Variants in UGCG observed in about 807,000 individuals in gnomAD.
The protein encoded by UGCG is UDP-glucose ceramide glucosyltransferase.
Under a neutral mutation model 49.5 loss-of-function variants are expected in UGCG, and 10 were observed. The ratio of observed to expected loss-of-function variants is 0.20; its 90% confidence interval spans 0.12 to 0.34. The LOEUF is 0.34. Among genes scored for constraint, UGCG ranks in the 10% least tolerant of loss-of-function variants. The pLI, the probability that UGCG is intolerant of heterozygous loss-of-function variation, is 1.00. For missense variants in UGCG, 312 were observed against 483.7 expected (o/e 0.65, Z 3.33); for synonymous variants, 182 against 158.2 (o/e 1.15, Z -1.13).
At chr9:111,900,211 A>G (rs1837740742) in intron 1 of UGCG, among the ~76,000 whole-genome samples, 1 of 151,178 alleles carries the variant, frequency 6.6e-6, no homozygotes, top group African/African-American at 2.4e-5. Context: ...ACCTGATGGT[A>G]GTGTTTCTCT....
At chr9:111,907,343 C>T (rs1459380056) in intron 1 of UGCG, among the ~76,000 whole-genome samples, 1 of 152,118 alleles carries the variant, frequency 6.6e-6, no homozygotes, top group Non-Finnish European at 1.5e-5. Flanking sequence ...AATGCTGTAA[C>T]GATTAGACAC....
intron 1 of UGCG, among the ~76,000 whole-genome samples, chr9:111,910,083 T>C (rs1837968001): frequency 6.6e-6 from 1 of 152,226 alleles, no homozygotes; most frequent in Non-Finnish European, 1.5e-5. Flanking sequence ...TACTGCATTC[T>C]CAACATGAAA....
At chr9:111,920,702 G>C (rs1035917146) in intron 2 of UGCG, among the ~76,000 whole-genome samples, 1 of 151,988 alleles carries the variant, frequency 6.6e-6, no homozygotes, top group African/African-American at 2.4e-5. Flanking sequence ...TGAGATTATA[G>C]GTAGTGGGCA....
chr9:111,923,081 G>GT, intron 3 of UGCG, 130 bp downstream of exon 3: 1 of 470,344 alleles, frequency 2.1e-6, no homozygotes, highest in Non-Finnish European at 3.5e-6. Context: ...ACTGAGAGGT[G>GT]TTTACGTCCT....
chr9:111,908,928 G>A (rs1039518432), intron 1 of UGCG, among the ~76,000 whole-genome samples: 2 of 152,156 alleles, frequency 1.3e-5, no homozygotes, highest in African/African-American at 4.8e-5. Flanking sequence ...ATTGATCACA[G>A]TGCCCTCCCT....
intron 2 of UGCG, among the ~76,000 whole-genome samples, chr9:111,919,410 G>A (rs1158254609): frequency 6.6e-6 from 1 of 151,796 alleles, no homozygotes; most frequent in Admixed American, 6.6e-5. Flanking sequence ...TTGAGCCTGG[G>A]AAGTTGAGGC....
At chr9:111,900,329 G>A (rs1418026406) in intron 1 of UGCG, among the ~76,000 whole-genome samples, 1 of 152,022 alleles carries the variant, frequency 6.6e-6, no homozygotes. Context: ...TTATTTCCCT[G>A]TGTACATAAG....
At chr9:111,913,177 G>T (rs1374047458) in intron 1 of UGCG, among the ~76,000 whole-genome samples, 2 of 152,220 alleles carry the variant, frequency 1.3e-5, no homozygotes, top group African/African-American at 2.4e-5. Flanking sequence ...CAATTGTAAG[G>T]TACCATTGAT....
chr9:111,933,164 A>AC lies in UGCG; in HGVS notation c.*167_*168insC. 3.4e-6 allele frequency: 2 copies of AC among 590,824 alleles called. No homozygotes were observed. Among genetic ancestry groups the AC allele is most frequent in the Non-Finnish European group, 2.4e-6 (1 of 409,070 alleles). 36.6% of individuals were successfully genotyped at this position (590,824 alleles called of 1,614,324 possible). Reference sequence around the variant, plus strand: ...ACTTGCATCTGTGAAAAAAAAAAAAAACACATCTGTAGTCTTGGCCAAATG... The same window carrying AC: ...ACTTGCATCTGTGAAAAAAAAAAAAACACACATCTGTAGTCTTGGCCAAATG... On this transcript the variant is annotated 3_prime_UTR_variant, in exon 9 of 9. Transcript: ENST00000374279.
chr9:111,904,190 G>A (rs1339899077), intron 1 of UGCG, among the ~76,000 whole-genome samples: 2 of 152,152 alleles, frequency 1.3e-5, no homozygotes, highest in African/African-American at 4.8e-5. Flanking sequence ...CTTGCCTCTT[G>A]CCTCACCTCG....
At chr9:111,920,059 G>A (rs1017724663) in intron 2 of UGCG, among the ~76,000 whole-genome samples, 1 of 152,066 alleles carries the variant, frequency 6.6e-6, no homozygotes, top group African/African-American at 2.4e-5. Flanking sequence ...TCAGGAGGGT[G>A]GTAGAAGTAG....
intron 3 of UGCG, 33 bp downstream of exon 3, chr9:111,922,984 A>C: frequency 7.3e-7 from 1 of 1,378,842 alleles, no homozygotes. Context: ...ACCATTTTCC[A>C]TTGATAGTAT....
At chr9:111,932,050 G>T in intron 7 of UGCG, 120 bp from the exon 8 acceptor site, 161 of 1,042,766 alleles carry the variant, frequency 1.5e-4, no homozygotes, top group Non-Finnish European at 2.0e-4. Context: ...AACAAAAAAA[G>T]TTTAAAGAGA....
In UGCG at chr9:111,932,379, A is replaced by C; in HGVS notation, c.1014+20A>C. ...GTCCAGGTATGTGGATAGGCATGAA[A>C]AGGTTGGCAGTCCCTTGGTGGAACT... On this transcript the variant is annotated intron_variant, in intron 8 of 8. Transcript: ENST00000374279. 6.2e-7 allele frequency: 1 copy of C among 1,602,596 alleles called. No homozygotes were observed. Among genetic ancestry groups the C allele is most frequent in the African/African-American group, 1.3e-5 (1 of 74,760 alleles).
chr9:111,921,801 G>GTTTTTTTTTT (rs1564203243), intron 2 of UGCG, among the ~76,000 whole-genome samples: 19 of 48,020 alleles, frequency 4.0e-4, no homozygotes, highest in Non-Finnish European at 5.3e-4. Context: ...GCCCCAGGGT[G>GTTTTTTTTTT]ATTTTTTTTT....
chr9:111,924,507 T>C (rs541713376), intron 3 of UGCG, among the ~76,000 whole-genome samples: 22 of 152,168 alleles, frequency 1.4e-4, no homozygotes, highest in South Asian at 2.1e-4. Context: ...CCATTAAATA[T>C]TGACTCATAC....
At chr9:111,902,104 T>G (rs1778665422) in intron 1 of UGCG, among the ~76,000 whole-genome samples, 2 of 152,226 alleles carry the variant, frequency 1.3e-5, no homozygotes, top group South Asian at 2.1e-4. Context: ...TCTTTTTTCT[T>G]TCTCTTCCTT....
At chr9:111,903,560 G>A (rs1437704735) in intron 1 of UGCG, among the ~76,000 whole-genome samples, 1 of 152,096 alleles carries the variant, frequency 6.6e-6, no homozygotes, top group African/African-American at 2.4e-5. Flanking sequence ...GCAAGACTCT[G>A]CCTCAGAAAA....
At chr9:111,900,476 ATGTG>A (rs10551745) in intron 1 of UGCG, among the ~76,000 whole-genome samples, 176 of 150,520 alleles carry the variant, frequency 1.2e-3, no homozygotes, top group Admixed American at 2.0e-3. Flanking sequence ...GTATATGTAT[ATGTG>A]TGTGTGTGTG....
Sources: gnomAD v4.1 joint callset for allele counts (sites outside exome capture counted in the v4.1 genomes callset) on GRCh38, gnomAD v4.1.1 for gene constraint, MANE v1.5 for transcripts, NCBI Gene and HGNC (gene_info 2026-07-23, HGNC 2026-07-21) for gene names.